Variants in MGST2 observed in about 807,000 individuals in gnomAD.
The protein encoded by MGST2 is glutathione peroxidase MGST2.
In MGST2, 9 loss-of-function variants were observed where a neutral mutation model predicts 16.6. The observed-to-expected ratio is 0.54, with a 90% CI of 0.33 to 0.95. MGST2 has a LOEUF of 0.95. Among genes scored for constraint, MGST2 ranks in the 40% least tolerant of loss-of-function variants. MGST2 has a pLI of 0.03. For missense variants in MGST2, 159 were observed against 175.1 expected (o/e 0.91, Z 0.52); for synonymous variants, 79 against 68.0 (o/e 1.16, Z -0.79).
intron 5 of MGST2, among the ~76,000 whole-genome samples, chr4:139,721,172 A>G (rs924376781): frequency 3.3e-5 from 5 of 152,180 alleles, no homozygotes; most frequent in African/African-American, 9.7e-5. Context: ...TGCTAACACA[A>G]TTTTAATAAT....
the MGST2 span, among the ~76,000 whole-genome samples, chr4:139,749,237 C>T: frequency 6.9e-4 from 105 of 152,270 alleles, no homozygotes; most frequent in Non-Finnish European, 1.2e-3. Flanking sequence ...TGACCTAATG[C>T]TTTTGCTTTC....
intron 5 of MGST2, among the ~76,000 whole-genome samples, chr4:139,728,282 T>C (rs1453263437): frequency 6.6e-6 from 1 of 152,164 alleles, no homozygotes; most frequent in African/African-American, 2.4e-5. Context: ...CAACCTGCAC[T>C]AAATCTGCAC....
chr4:139,719,262 GT>G, intron 5 of MGST2: 2 of 1,507,234 alleles, frequency 1.3e-6, no homozygotes, highest in Non-Finnish European at 1.8e-6. Context: ...TCAACATCCT[GT>G]TTCTTTTTCA....
At chr4:139,743,568 G>A (rs141345456), downstream of MGST2, among the ~76,000 whole-genome samples, 1 of 152,292 alleles carries the variant, frequency 6.6e-6, no homozygotes, top group Non-Finnish European at 1.5e-5. Flanking sequence ...ATACATGGCT[G>A]TAAACTTGCT....
intron 5 of MGST2, among the ~76,000 whole-genome samples, chr4:139,739,866 G>A (rs1320222267): frequency 1.3e-5 from 2 of 151,788 alleles, no homozygotes; most frequent in South Asian, 2.1e-4. Flanking sequence ...ATTTTTAAAA[G>A]CTTGTTAAGA....
At chr4:139,733,348 T>A (rs1728798101) in intron 5 of MGST2, among the ~76,000 whole-genome samples, 1 of 152,116 alleles carries the variant, frequency 6.6e-6, no homozygotes, top group Non-Finnish European at 1.5e-5. Flanking sequence ...GATGGCCCTG[T>A]TTATCTTTGT....
chr4:139,711,443 A>G (rs1402745556), intron 5 of MGST2, among the ~76,000 whole-genome samples: 1 of 152,168 alleles, frequency 6.6e-6, no homozygotes, highest in Non-Finnish European at 1.5e-5. Flanking sequence ...TTTTATGGTT[A>G]TCTCTTGATG....
At chr4:139,748,909 G>A in the MGST2 span, among the ~76,000 whole-genome samples, 1 of 152,236 alleles carries the variant, frequency 6.6e-6, no homozygotes, top group Admixed American at 6.5e-5. Flanking sequence ...CTCTCTTAGG[G>A]GCTCCTCTTT....
chr4:139,716,578 G>A (rs1382498399), intron 5 of MGST2, among the ~76,000 whole-genome samples: 1 of 151,992 alleles, frequency 6.6e-6, no homozygotes, highest in African/African-American at 2.4e-5. Flanking sequence ...ATCATCAGTT[G>A]TGCAGTTGAA....
At chr4:139,737,880 T>C (rs1441651006) in intron 5 of MGST2, among the ~76,000 whole-genome samples, 1 of 152,212 alleles carries the variant, frequency 6.6e-6, no homozygotes, top group East Asian at 1.9e-4. Flanking sequence ...AAGATTGGAT[T>C]AAAAGGTTTG....
At chr4:139,696,737 G>A (rs1278732575) in intron 3 of MGST2, among the ~76,000 whole-genome samples, 1 of 152,170 alleles carries the variant, frequency 6.6e-6, no homozygotes, top group Admixed American at 6.5e-5. Context: ...ATTGTTTCAG[G>A]TTTGACGGCT....
At chr4:139,726,939 C>G (rs1728496962) in intron 5 of MGST2, among the ~76,000 whole-genome samples, 1 of 152,160 alleles carries the variant, frequency 6.6e-6, no homozygotes, top group African/African-American at 2.4e-5. Context: ...CTTGCGTGAC[C>G]TTGGGGATGT....
intron 5 of MGST2, chr4:139,719,560 C>T (rs372589434): frequency 3.2e-5 from 52 of 1,613,724 alleles, no homozygotes; most frequent in Middle Eastern, 3.3e-4. Context: ...GCTGGCTGAA[C>T]GCTGGCATGC....
At chr4:139,709,079 T>A (rs1237138726), downstream of MGST2, among the ~76,000 whole-genome samples, 168 of 52,508 alleles carry the variant, frequency 3.2e-3, 5 homozygotes, top group South Asian at 4.4e-3. Context: ...AAATTTTTTT[T>A]TTTTTTTTTT....
rs1278001230 is a variant in MGST2 at position 139,665,986 on chromosome 4, T to C, written c.-34T>C. 42 of 1,612,092 alleles carry C rather than the reference T, an allele frequency of 2.6e-5. No homozygotes were observed. Among genetic ancestry groups the C allele is most frequent in the Non-Finnish European group, 3.3e-5 (39 of 1,178,412 alleles). On this transcript the variant is annotated 5_prime_UTR_variant, in exon 1 of 5. Transcript: ENST00000265498. Reference sequence around the variant, plus strand: ...CAAAGTCAAGAAGCGCCATTTATCTTCCCGTGCGCTCTACAAATAGTTCCG... The same window carrying C: ...CAAAGTCAAGAAGCGCCATTTATCTCCCCGTGCGCTCTACAAATAGTTCCG...
At chr4:139,742,968 C>T (rs1729213398), downstream of MGST2, among the ~76,000 whole-genome samples, 1 of 152,224 alleles carries the variant, frequency 6.6e-6, no homozygotes, top group Non-Finnish European at 1.5e-5. Context: ...AATTTCTTTC[C>T]ACCAGAAACT....
intron 5 of MGST2, chr4:139,719,881 C>T: frequency 1.1e-5 from 17 of 1,613,984 alleles, no homozygotes; most frequent in Non-Finnish European, 1.4e-5. Context: ...GGACTGTTCC[C>T]ATAAGGCTCT....
rs541060185 is a variant in MGST2, at chr4:139,713,654, G to T, written c.*48+9458G>T. ...TCTAACCATAGTGTTCTTTAAAAAAGAAATACTTTTGGATCTCTTATTACC... is the reference window on the plus strand; with the variant it reads ...TCTAACCATAGTGTTCTTTAAAAAATAAATACTTTTGGATCTCTTATTACC... On this transcript the variant is annotated intron_variant, in intron 5 of 5. Coordinates refer to the MGST2 transcript ENST00000616265. Among the ~76,000 whole-genome samples the T allele has an allele frequency of 2.6e-5, 4 of 152,184 alleles. No individual in the cohort carries two copies. The South Asian group carries it at 8.3e-4, about 32-fold the overall frequency.
At chr4:139,698,017 A>G (rs1165342447) in intron 3 of MGST2, 4 of 579,752 alleles carry the variant, frequency 6.9e-6, no homozygotes, top group Non-Finnish European at 1.2e-5. Context: ...TTCCACTCGC[A>G]ATCATATACT....
Sources: allele counts gnomAD v4.1 joint callset (sites outside exome capture counted in the v4.1 genomes callset), GRCh38; gene constraint gnomAD v4.1.1; transcripts MANE v1.5; gene names NCBI Gene and HGNC (gene_info 2026-07-23, HGNC 2026-07-21).